Variants in BPTF observed in about 807,000 individuals in gnomAD.
The protein encoded by BPTF is nucleosome-remodeling factor subunit BPTF.
In BPTF, 18 loss-of-function variants were observed where a neutral mutation model predicts 292.5. The observed-to-expected ratio is 0.06, with a 90% CI of 0.04 to 0.09. BPTF has a LOEUF of 0.09. Among genes scored for constraint, BPTF ranks in the 10% least tolerant of loss-of-function variants. The pLI, the probability that BPTF is intolerant of heterozygous loss-of-function variation, is 1.00. For missense variants in BPTF, 2,726 were observed against 3,498.7 expected (o/e 0.78, Z 5.57); for synonymous variants, 1,225 against 1,251.9 (o/e 0.98, Z 0.45).
At chr17:67,829,585 G>T (rs1252273293) in intron 1 of BPTF, among the ~76,000 whole-genome samples, 1 of 151,584 alleles carries the variant, frequency 6.6e-6, no homozygotes, top group Non-Finnish European at 1.5e-5. Context: ...CAGTTTCATT[G>T]GTTTTTTAGT....
intron 9 of BPTF, among the ~76,000 whole-genome samples, chr17:67,908,318 C>G (rs2146807831): frequency 1.3e-5 from 2 of 152,118 alleles, no homozygotes; most frequent in South Asian, 4.1e-4. Context: ...ACCACCATGA[C>G]TGGCTAATTT....
At chr17:67,838,311 G>A (rs948476403) in intron 1 of BPTF, among the ~76,000 whole-genome samples, 7 of 152,246 alleles carry the variant, frequency 4.6e-5, no homozygotes, top group Non-Finnish European at 8.8e-5. Flanking sequence ...TAGGAAAAAG[G>A]CTTTGAGTTT....
intron 1 of BPTF, among the ~76,000 whole-genome samples, chr17:67,836,904 T>C (rs1402978451): frequency 6.6e-6 from 1 of 152,238 alleles, no homozygotes; most frequent in Non-Finnish European, 1.5e-5. Context: ...TTTGAACTTT[T>C]GAGTCTGAAT....
chr17:67,911,182 A>C lies in BPTF; in HGVS notation c.3298A>C (p.Lys1100Gln). 1 of 1,613,756 alleles carries C rather than the reference A, an allele frequency of 6.2e-7. No individual in the cohort carries two copies. The highest frequency in any genetic ancestry group is 8.5e-7 in the Non-Finnish European group (1 of 1,179,946). ...GIGKTSTNSS[K>Q]NLSESPVITK... Reference sequence around the variant, plus strand: ...AGGAAAGACTTCTACAAATTCTTCAAAAAATCTCTCTGAATCACCAGTAAT... The same window carrying C: ...AGGAAAGACTTCTACAAATTCTTCACAAAATCTCTCTGAATCACCAGTAAT... Residue 1100 changes from lysine to glutamine, a missense_variant, in exon 11 of 28, where the codon AAA (lysine) becomes CAA (glutamine). By Grantham distance (53) the Lys-to-Gln change is moderately conservative (BLOSUM62 1). Transcript: ENST00000306378.
In BPTF at chr17:67,948,243, G is replaced by T. The variant is rs2065957474; in HGVS notation, c.7863G>T (p.Gln2621His). 6.2e-7 allele frequency: 1 copy of T among 1,614,016 alleles called. No homozygotes were observed. Among genetic ancestry groups the T allele is most frequent in the Non-Finnish European group, 8.5e-7 (1 of 1,180,052 alleles). Reference sequence around the variant, plus strand: ...CTCTGCTCTTCAAGCACAAAGAGCAGCTCAGAGCCGAGATCCTGAAGAAGA... The same window carrying T: ...CTCTGCTCTTCAAGCACAAAGAGCATCTCAGAGCCGAGATCCTGAAGAAGA... ...LSALLFKHKEQLRAEILKKRA... is the reference protein window; with the variant it reads ...LSALLFKHKEHLRAEILKKRA... The change falls in exon 23 of 28, where the codon CAG becomes CAT. Residue 2621 changes from glutamine to histidine, a missense_variant. By Grantham distance (24) the Gln-to-His change is conservative. Around this residue, in one of 22 missense-constraint regions of BPTF, gnomAD observed 148 missense variants for 145.5 expected, o/e 1.02. Coordinates refer to ENST00000306378, the MANE Select transcript of BPTF (RefSeq NM_182641.4).
At chr17:67,849,116 G>A (rs1341735728) in intron 1 of BPTF, among the ~76,000 whole-genome samples, 1 of 152,074 alleles carries the variant, frequency 6.6e-6, no homozygotes, top group African/African-American at 2.4e-5. Context: ...TTGGTAAGGG[G>A]AGTATCCATT....
chr17:67,933,785 G>A (rs934052800), intron 18 of BPTF, among the ~76,000 whole-genome samples: 5 of 152,106 alleles, frequency 3.3e-5, no homozygotes, highest in East Asian at 1.9e-4. Context: ...TAACCCAGGC[G>A]CAGTGGCTCA....
At chr17:67,960,027 TAC>T in intron 24 of BPTF, 152 bp downstream of exon 24, 4 of 616,174 alleles carry the variant, frequency 6.5e-6, no homozygotes, top group Non-Finnish European at 1.1e-5. Flanking sequence ...GTGATATTCT[TAC>T]CATTGACGCT....
chr17:67,884,278 G>A (rs2060610391), intron 4 of BPTF, among the ~76,000 whole-genome samples: 2 of 151,074 alleles, frequency 1.3e-5, no homozygotes, highest in African/African-American at 4.9e-5. Context: ...GATAATTTTT[G>A]CATTTTTAGT....
chr17:67,875,748 C>T (rs1486543221), intron 4 of BPTF: 2 of 1,563,350 alleles, frequency 1.3e-6, no homozygotes, highest in Non-Finnish European at 1.7e-6. Context: ...GTGCCAGGTA[C>T]AGAGGGCAGC....
intron 27 of BPTF, among the ~76,000 whole-genome samples, chr17:67,976,699 A>AGT: frequency 7.6e-6 from 1 of 132,386 alleles, no homozygotes; most frequent in African/African-American, 2.7e-5. Context: ...AAAAAAAAAA[A>AGT]AAAAAAAAAA....
At chr17:67,914,196 ATTT>A (rs1365384980) in intron 11 of BPTF, among the ~76,000 whole-genome samples, 1 of 151,868 alleles carries the variant, frequency 6.6e-6, no homozygotes, top group Admixed American at 6.6e-5. Context: ...GTCTTTTAAT[ATTT>A]TTCCAATTTC....
chr17:67,944,157 A>G lies in BPTF; in HGVS notation c.6485A>G (p.Asn2162Ser), dbSNP rs368737322. ...LTQLTQGHGG[N>S]QGLTVVIQGQ... ...GTTGTGTTTTTTCCACAGGGTGGCA[A>G]TCAAGGTTTGACAGTAGTAATTCAA... Residue 2162 changes from asparagine (N) to serine (S), a missense_variant, in exon 20 of 28, where the codon AAT (asparagine) becomes AGT (serine). This residue lies in a region of BPTF where 570 missense variants were observed against 633.5 expected (regional missense o/e 0.90). Transcript: ENST00000306378. 3.4e-5 allele frequency: 55 copies of G among 1,614,008 alleles called. No individual in the cohort carries two copies. The highest frequency in any genetic ancestry group is 4.4e-5 in the Non-Finnish European group (52 of 1,179,954).
chr17:67,919,218 T>TAATAATAATAAA (rs367551787), intron 12 of BPTF, among the ~76,000 whole-genome samples: 2 of 126,264 alleles, frequency 1.6e-5, no homozygotes, highest in East Asian at 2.2e-4. Flanking sequence ...ATAATAATAA[T>TAATAATAATAAA]AAAATATAAT....
At chr17:67,869,335 A>G (rs1038555727) in intron 3 of BPTF, among the ~76,000 whole-genome samples, 14 of 152,362 alleles carry the variant, frequency 9.2e-5, no homozygotes, top group Admixed American at 9.1e-4. Flanking sequence ...CAGTATAATC[A>G]TAATTAAAGA....
At chr17:67,980,588 G>C (rs1336150731) in intron 27 of BPTF, among the ~76,000 whole-genome samples, 1 of 152,172 alleles carries the variant, frequency 6.6e-6, no homozygotes, top group Non-Finnish European at 1.5e-5. Context: ...ATCCTACCCT[G>C]CTGCCAGCTT....
intron 1 of BPTF, among the ~76,000 whole-genome samples, chr17:67,832,527 T>C (rs1235197972): frequency 6.6e-6 from 1 of 152,080 alleles, no homozygotes; most frequent in Non-Finnish European, 1.5e-5. Context: ...TTTATGAAAA[T>C]TCAGTTTTTA....
Position 67,948,187 on chromosome 17 carries a change from C to G in BPTF, c.7807C>G (p.Arg2603Gly). The G allele has an allele frequency of 6.2e-7, 1 of 1,614,106 alleles. No individual in the cohort carries two copies. The highest frequency in any genetic ancestry group is 1.1e-5 in the South Asian group (1 of 91,086). The change falls in exon 23 of 28, where the codon CGT (arginine) becomes GGT (glycine). Residue 2603 changes from arginine (R) to glycine (G), a missense_variant. Around this residue, in one of 22 missense-constraint regions of BPTF, gnomAD observed 26 missense variants for 60.6 expected, o/e 0.43. Transcript: ENST00000306378. Reference sequence around the variant, plus strand: ...GCGTGAAGAGAGTGTGGAGCAGAAACGTAGCAAGCAGAATGCCACTAAGCT... The same window carrying G: ...GCGTGAAGAGAGTGTGGAGCAGAAAGGTAGCAAGCAGAATGCCACTAAGCT... ...RKREESVEQK[R>G]SKQNATKLSA...
At chr17:67,837,569 G>C (rs1278389086) in intron 1 of BPTF, among the ~76,000 whole-genome samples, 1 of 152,018 alleles carries the variant, frequency 6.6e-6, no homozygotes, top group Non-Finnish European at 1.5e-5. Context: ...CACCACGCCT[G>C]GCTAATTTTT....
Sources: allele counts gnomAD v4.1 joint callset (sites outside exome capture counted in the v4.1 genomes callset), GRCh38; gene constraint gnomAD v4.1.1; regional missense constraint gnomAD v4.1.1; transcripts MANE v1.5; gene names NCBI Gene and HGNC (gene_info 2026-07-23, HGNC 2026-07-21).